FBN2: variants seen among roughly 807,000 people sequenced by gnomAD.
The protein encoded by FBN2 is fibrillin-2.
Under a neutral mutation model 355.6 loss-of-function variants are expected in FBN2, and 105 were observed. That is an observed-to-expected ratio of 0.30 (90% confidence interval 0.25 to 0.35). The LOEUF is 0.35. FBN2 is among the 10% of genes least tolerant of loss of function. The pLI is 1.00. For synonymous variants in FBN2, 1,350 were observed against 1,301.2 expected (o/e 1.04, Z -0.81); for missense variants, 3,280 against 3,758.7 (o/e 0.87, Z 3.33).
chr5:128,439,502 A>G (rs1753861103), intron 7 of FBN2, among the ~76,000 whole-genome samples: 2 of 152,148 alleles, frequency 1.3e-5, no homozygotes, highest in Non-Finnish European at 2.9e-5. Context: ...GCTTATATAA[A>G]TAAGGATAAA....
Position 128,464,605 on chromosome 5 carries a change from G to T in FBN2, c.826+119C>A, listed in dbSNP as rs1754653083. ...TTCTCTGGTCAGGGTTGTTAACGAG[G>T]CCACTCTTGGAAATCAGTATTCTGT... On this transcript the variant is annotated intron_variant, in intron 6 of 64. Transcript: ENST00000262464. 3 of 1,084,916 alleles carry T rather than the reference G, an allele frequency of 2.8e-6. No homozygotes were observed. In the African/African-American group the frequency reaches 4.6e-5, roughly 17 times the overall value. 67.2% of individuals were successfully genotyped at this position (1,084,916 alleles called of 1,614,324 possible). A position where few individuals can be genotyped will look rare whatever the true frequency, so the allele number is the denominator to read the frequency against.
intron 7 of FBN2, among the ~76,000 whole-genome samples, chr5:128,415,049 C>T (rs2127007697): frequency 1.3e-5 from 2 of 152,090 alleles, no homozygotes; most frequent in East Asian, 3.9e-4. Flanking sequence ...TATGAATTTC[C>T]ATGTAAACTT....
At chr5:128,459,036 T>A (rs1754484783) in intron 6 of FBN2, among the ~76,000 whole-genome samples, 1 of 151,388 alleles carries the variant, frequency 6.6e-6, no homozygotes, top group Non-Finnish European at 1.5e-5. Flanking sequence ...AAAAAATTAA[T>A]GAAACTGATA....
chr5:128,522,063 T>C (rs772898445), intron 4 of FBN2, among the ~76,000 whole-genome samples: 25 of 152,218 alleles, frequency 1.6e-4, no homozygotes, highest in Admixed American at 1.3e-4. Context: ...TCTAATACTA[T>C]AAATATTGAA....
intron 5 of FBN2, among the ~76,000 whole-genome samples, chr5:128,480,908 C>A (rs1329500947): frequency 1.3e-5 from 2 of 152,106 alleles, no homozygotes; most frequent in Non-Finnish European, 2.9e-5. Context: ...TCTACATAAA[C>A]CTCACTGTGG....
intron 5 of FBN2, among the ~76,000 whole-genome samples, chr5:128,473,679 C>T (rs1724132536): frequency 6.6e-6 from 1 of 152,192 alleles, no homozygotes; most frequent in African/African-American, 2.4e-5. Flanking sequence ...CACAACCCCA[C>T]AGATGCCTCC....
chr5:128,342,631 G>A (rs1156298906), intron 25 of FBN2, among the ~76,000 whole-genome samples: 2 of 152,156 alleles, frequency 1.3e-5, no homozygotes, highest in Non-Finnish European at 2.9e-5. Flanking sequence ...CCCAGAGCAG[G>A]AGCTGGGAAG....
At chr5:128,498,074 T>G (rs1426809090) in intron 5 of FBN2, among the ~76,000 whole-genome samples, 1 of 152,138 alleles carries the variant, frequency 6.6e-6, no homozygotes, top group Non-Finnish European at 1.5e-5. Context: ...TGGACCAGTG[T>G]GTCAGACACA....
chr5:128,291,727 CA>C lies in FBN2; in HGVS notation c.6167-74del, dbSNP rs1411990386. 13 of 1,308,238 alleles carry C rather than the reference CA, an allele frequency of 9.9e-6. No homozygotes were observed. The East Asian group carries it at 2.8e-4, about 28-fold the overall frequency. The allele number at this position is 1,308,238 out of a possible 1,614,324, so 81.0% of individuals were successfully genotyped here. On this transcript the variant is annotated intron_variant, in intron 48 of 64. Coordinates refer to ENST00000262464, the MANE Select transcript of FBN2 (RefSeq NM_001999.4). ...AACAATTGTCCATACTATCACTGTC[CA>C]CTAGCCAGCTGATATTTCAGACAAG...
chr5:128,483,872 A>C (rs964236145), intron 5 of FBN2, among the ~76,000 whole-genome samples: 1 of 152,200 alleles, frequency 6.6e-6, no homozygotes, highest in African/African-American at 2.4e-5. Context: ...TATAGAGTAG[A>C]CAAATCTGGT....
chr5:128,292,656 C>T (rs1044866662), intron 48 of FBN2, among the ~76,000 whole-genome samples: 8 of 152,326 alleles, frequency 5.3e-5, no homozygotes, highest in Non-Finnish European at 1.0e-4. Context: ...AATGGCTCCA[C>T]GCTGACCGCA....
chr5:128,470,227 T>C (rs1241590586), intron 5 of FBN2, among the ~76,000 whole-genome samples: 2 of 152,212 alleles, frequency 1.3e-5, no homozygotes, highest in South Asian at 4.1e-4. Flanking sequence ...CAGTACTGAA[T>C]GCTGCTGAGC....
At chr5:128,504,015 A>G (rs1435414219) in intron 5 of FBN2, among the ~76,000 whole-genome samples, 1 of 152,154 alleles carries the variant, frequency 6.6e-6, no homozygotes, top group Non-Finnish European at 1.5e-5. Context: ...CTCCAGCTCC[A>G]GCTGTGGCTA....
At chr5:128,271,907 TA>T in intron 62 of FBN2, 91 bp downstream of exon 62, 1 of 1,449,308 alleles carries the variant, frequency 6.9e-7, no homozygotes, top group Non-Finnish European at 9.7e-7. Context: ...TCAAAGGCTA[TA>T]CTGAAATCTC....
At chr5:128,327,926 C>A (rs1178175998) in intron 34 of FBN2, 1 of 152,364 alleles carries the variant, frequency 6.6e-6, no homozygotes, top group Non-Finnish European at 1.5e-5. Context: ...GCGTGAGCCA[C>A]CACGCCTGGC....
In FBN2 at chr5:128,367,869, CT is replaced by C. The variant is rs34350133; in HGVS notation, c.2248+1312del. Among the ~76,000 whole-genome samples the C allele has an allele frequency of 9.1e-4, 135 of 149,068 alleles. 1 individual carries two copies. The highest frequency in any genetic ancestry group is 2.1e-4 in the South Asian group (1 of 4,694). On this transcript the variant is annotated intron_variant, in intron 16 of 64. Coordinates refer to ENST00000262464, the MANE Select transcript of FBN2 (RefSeq NM_001999.4). The stretch of plus-strand genomic sequence containing the variant: ...GAACTACGTTCTCCTCATTATTTTT[CT>C]TTTTTTTTTAAAAAAAGTCACACTC...
intron 55 of FBN2, among the ~76,000 whole-genome samples, chr5:128,281,093 T>C (rs1435323223): frequency 6.6e-6 from 1 of 152,216 alleles, no homozygotes; most frequent in Non-Finnish European, 1.5e-5. Flanking sequence ...TTGCTTTTAT[T>C]AGTATTTGCC....
chr5:128,342,234 T>C (rs538134958), intron 25 of FBN2, among the ~76,000 whole-genome samples: 1 of 152,002 alleles, frequency 6.6e-6, no homozygotes, highest in Non-Finnish European at 1.5e-5. Flanking sequence ...GCAAGAAGAA[T>C]CTGTAGAGGT....
intron 7 of FBN2, among the ~76,000 whole-genome samples, chr5:128,424,400 A>C (rs1753432905): frequency 6.6e-6 from 1 of 152,180 alleles, no homozygotes; most frequent in South Asian, 2.1e-4. Context: ...GATGTGAACA[A>C]GAAGGAAAAG....
Sources: allele counts gnomAD v4.1 joint callset (sites outside exome capture counted in the v4.1 genomes callset), GRCh38; gene constraint gnomAD v4.1.1; transcripts MANE v1.5; gene names NCBI Gene and HGNC (gene_info 2026-07-23, HGNC 2026-07-21).